The following SGCD variants were observed in gnomAD, a reference collection of about 807,000 sequenced individuals.
The protein encoded by SGCD is sarcoglycan delta.
In SGCD, 18 loss-of-function variants were observed where a neutral mutation model predicts 36.6. That is an observed-to-expected ratio of 0.49 (90% CI 0.34 to 0.73). The LOEUF is 0.73. Among genes scored for constraint, SGCD ranks in the 30% least tolerant of loss-of-function variants. The pLI, the probability that SGCD is intolerant of heterozygous loss-of-function variation, is 0.01. For synonymous variants in SGCD, 133 were observed against 130.6 expected (o/e 1.02, Z -0.12); for missense variants, 387 against 346.7 (o/e 1.12, Z -0.92).
chr5:156,584,252 C>A (rs1760401072), intron 4 of SGCD, among the ~76,000 whole-genome samples: 1 of 152,150 alleles, frequency 6.6e-6, no homozygotes, highest in Admixed American at 6.5e-5. Context: ...ATGTCTCTCC[C>A]CTAACAAGGT....
chr5:156,591,808 T>C (rs1253760370), intron 5 of SGCD, among the ~76,000 whole-genome samples: 2 of 152,168 alleles, frequency 1.3e-5, no homozygotes, highest in African/African-American at 4.8e-5. Flanking sequence ...CATTTTTCTC[T>C]AGAGTCATTT....
chr5:156,549,437 T>C (rs1237489713), intron 4 of SGCD, among the ~76,000 whole-genome samples: 1 of 152,208 alleles, frequency 6.6e-6, no homozygotes, highest in East Asian at 1.9e-4. Flanking sequence ...CACACATTTG[T>C]CAAGCACCTG....
At chr5:156,083,557 A>G (rs1294989052) in intron 1 of SGCD, among the ~76,000 whole-genome samples, 2 of 149,136 alleles carry the variant, frequency 1.3e-5, no homozygotes, top group Admixed American at 1.3e-4. Context: ...AACATCCCAA[A>G]GTGCTGGAAT....
chr5:156,247,407 TA>T (rs1765465065), intron 3 of SGCD, among the ~76,000 whole-genome samples: 1 of 152,198 alleles, frequency 6.6e-6, no homozygotes, highest in South Asian at 2.1e-4. Context: ...TTCAATGATT[TA>T]TAATAGTTTT....
the SGCD span, among the ~76,000 whole-genome samples, chr5:155,762,353 A>G: frequency 7.9e-5 from 12 of 152,216 alleles, no homozygotes; most frequent in African/African-American, 2.7e-4. Flanking sequence ...CAAAACTTCT[A>G]TGATTTTCTG....
Position 156,466,803 on chromosome 5 carries a change from C to G in SGCD, c.193-41798C>G, listed in dbSNP as rs139197825. On this transcript the variant is annotated intron_variant, in intron 3 of 8. Coordinates refer to ENST00000337851, the MANE Select transcript of SGCD (RefSeq NM_000337.6). ...TTTGAAAATTATACCAAAAAAAGAA[C>G]TTTCTAGTCAAAGAAAATGTTTTAA... 2.7e-3 allele frequency among the ~76,000 whole-genome samples: 405 copies of G among 152,166 alleles called. 2 individuals are homozygous for G. The highest frequency in any genetic ancestry group is 3.7e-3 in the Non-Finnish European group (253 of 67,998).
At chr5:156,749,564 G>A (rs1757073726) in intron 7 of SGCD, among the ~76,000 whole-genome samples, 1 of 152,096 alleles carries the variant, frequency 6.6e-6, no homozygotes, top group Non-Finnish European at 1.5e-5. Context: ...AAGACAGACA[G>A]CTACAAACGC....
At chr5:156,194,921 T>C (rs760799075) in intron 3 of SGCD, among the ~76,000 whole-genome samples, 2 of 152,196 alleles carry the variant, frequency 1.3e-5, no homozygotes, top group East Asian at 3.9e-4. Context: ...ATTGAACACA[T>C]AGTATAATAA....
chr5:156,034,556 G>A (rs765230592), intron 1 of SGCD, among the ~76,000 whole-genome samples: 3 of 152,096 alleles, frequency 2.0e-5, no homozygotes, highest in African/African-American at 7.2e-5. Context: ...CTTTGTAATA[G>A]CACTTACTAT....
At chr5:155,826,714 G>A in the SGCD span, among the ~76,000 whole-genome samples, 2 of 152,136 alleles carry the variant, frequency 1.3e-5, no homozygotes, top group South Asian at 2.1e-4. Flanking sequence ...TTATTCACTC[G>A]TTTAGCTGTC....
chr5:156,397,252 G>A (rs955276461), intron 3 of SGCD, among the ~76,000 whole-genome samples: 4 of 152,140 alleles, frequency 2.6e-5, no homozygotes, highest in Non-Finnish European at 5.9e-5. Context: ...TTATTTTAGG[G>A]CAGTCGGTCT....
intron 3 of SGCD, among the ~76,000 whole-genome samples, chr5:156,198,360 GTAA>G (rs1374851815): frequency 6.6e-6 from 1 of 152,064 alleles, no homozygotes; most frequent in Non-Finnish European, 1.5e-5. Context: ...CTTTCATTTA[GTAA>G]TAATAATTTA....
At chr5:156,744,745 T>C (rs975639996) in intron 7 of SGCD, among the ~76,000 whole-genome samples, 1 of 152,204 alleles carries the variant, frequency 6.6e-6, no homozygotes, top group East Asian at 1.9e-4. Context: ...TTCTAGCCAA[T>C]TGACAACTCT....
At chr5:156,453,421 T>A (rs1340358530) in intron 3 of SGCD, among the ~76,000 whole-genome samples, 1 of 152,146 alleles carries the variant, frequency 6.6e-6, no homozygotes, top group Admixed American at 6.6e-5. Flanking sequence ...ATACCATGGA[T>A]GCTGTGAAAG....
rs116535249 is a variant in SGCD, at chr5:156,276,328, A to G, written c.-43-53206A>G. On this transcript the variant is annotated intron_variant, in intron 3 of 9. Transcript: ENST00000517913. ...CAGGTCAAAATTATGAAAGAAGACTATATTATTTATTCATTTTTATAAAAA... is the reference window on the plus strand; with the variant it reads ...CAGGTCAAAATTATGAAAGAAGACTGTATTATTTATTCATTTTTATAAAAA... Among the ~76,000 whole-genome samples the G allele has an allele frequency of 6.6e-3, 999 of 152,274 alleles. 13 individuals carry two copies. Among genetic ancestry groups the G allele is most frequent in the African/African-American group, 0.023 (940 of 41,554 alleles).
chr5:156,547,320 C>T (rs886144202), intron 4 of SGCD, among the ~76,000 whole-genome samples: 1 of 152,168 alleles, frequency 6.6e-6, no homozygotes, highest in African/African-American at 2.4e-5. Context: ...TTCTCCTGAC[C>T]TTGCCACATA....
intron 1 of SGCD, among the ~76,000 whole-genome samples, chr5:155,908,220 G>A (rs1472184855): frequency 1.3e-5 from 2 of 151,984 alleles, no homozygotes; most frequent in East Asian, 1.9e-4. Flanking sequence ...AAACCAAAAC[G>A]GTTGTTACTC....
Position 156,327,719 on chromosome 5 carries a change from T to C in SGCD, c.-44+487T>C, listed in dbSNP as rs912119344. 2.6e-5 allele frequency among the ~76,000 whole-genome samples: 4 copies of C among 152,202 alleles called. 1 individual carries two copies. The highest frequency in any genetic ancestry group is 2.1e-4 in the South Asian group (1 of 4,832). On this transcript the variant is annotated intron_variant, in intron 1 of 8. Coordinates refer to ENST00000337851, the MANE Select transcript of SGCD (RefSeq NM_000337.6). Reference sequence around the variant, plus strand: ...GGAATCAGAGTTTGAAGTTTCTACGTTGGATGACACTTTCAGAGTGTCGAA... The same window carrying C: ...GGAATCAGAGTTTGAAGTTTCTACGCTGGATGACACTTTCAGAGTGTCGAA...
chr5:156,341,704 AT>A (rs1331922082), intron 2 of SGCD, among the ~76,000 whole-genome samples: 2 of 152,008 alleles, frequency 1.3e-5, no homozygotes, highest in Non-Finnish European at 2.9e-5. Context: ...TGTTTTTAAA[AT>A]TTTATTTACT....
Sources: allele counts gnomAD v4.1 joint callset (sites outside exome capture counted in the v4.1 genomes callset), GRCh38; gene constraint gnomAD v4.1.1; transcripts MANE v1.5; gene names NCBI Gene and HGNC (gene_info 2026-07-23, HGNC 2026-07-21).